Variants in CDH13 observed in about 807,000 individuals in gnomAD.
The protein encoded by CDH13 is cadherin-13.
CDH13 carries 24 observed loss-of-function variants against 63.8 expected under a neutral mutation model. That is an observed-to-expected ratio of 0.38 (90% CI 0.27 to 0.53). The LOEUF is 0.53. CDH13 is among the 20% of genes least tolerant of loss of function. The pLI, the probability that CDH13 is intolerant of heterozygous loss-of-function variation, is 0.85. For synonymous variants in CDH13, 503 were observed against 355.3 expected (o/e 1.42, Z -4.67); for missense variants, 1,049 against 903.1 (o/e 1.16, Z -2.07).
At chr16:82,869,736 A>T (rs1295577692) in intron 2 of CDH13, among the ~76,000 whole-genome samples, 1 of 152,208 alleles carries the variant, frequency 6.6e-6, no homozygotes, top group Non-Finnish European at 1.5e-5. Context: ...GGGAAAGGAC[A>T]GTCTTTTCAA....
In CDH13 at chr16:82,858,479, C is replaced by T. The variant is rs1392182658; in HGVS notation, c.157+6C>T. The T allele has an allele frequency of 3.3e-6, 5 of 1,504,166 alleles. No individual in the cohort carries two copies. The highest frequency in any genetic ancestry group is 4.6e-6 in the Non-Finnish European group (5 of 1,080,086). The allele number at this position is 1,504,166 out of a possible 1,614,324, so 93.2% of individuals were successfully genotyped here. On this transcript the variant is annotated splice_donor_region_variant and intron_variant, in intron 2 of 13. Coordinates refer to ENST00000567109, the MANE Select transcript of CDH13 (RefSeq NM_001257.5). ...GGACCAGTCAATTCTAAACTGTAAG[C>T]AATGTCACTCAAAGATGCTTTTAGA... is the stretch of plus-strand genomic sequence containing the variant.
intron 1 of CDH13, among the ~76,000 whole-genome samples, chr16:82,764,885 G>C (rs1355133479): frequency 6.6e-6 from 1 of 150,574 alleles, no homozygotes; most frequent in Non-Finnish European, 1.5e-5. Context: ...TGTAATCTTG[G>C]CTCACTGAAA....
At chr16:82,966,519 C>A (rs1308630872) in intron 2 of CDH13, among the ~76,000 whole-genome samples, 1 of 152,180 alleles carries the variant, frequency 6.6e-6, no homozygotes, top group East Asian at 1.9e-4. Context: ...TTCATCACTG[C>A]CAGTCAATCT....
Position 83,621,398 on chromosome 16 carries a change from A to G in CDH13, c.1101+18804A>G, listed in dbSNP as rs1909799367. Among the ~76,000 whole-genome samples, 4 of 139,802 alleles carry G rather than the reference A, an allele frequency of 2.9e-5. No homozygotes were observed. The Admixed American group carries it at 3.0e-4, about 10-fold the overall frequency. 91.7% of individuals were successfully genotyped at this position (139,802 alleles called of 152,430 possible). A position where few individuals can be genotyped will look rare whatever the true frequency, so the allele number is the denominator to read the frequency against. ...GGGTTTGCTGAAGCAGCCCAGGTCT[A>G]TTACCACCGTTTTCCACTCTGCTTG... On this transcript the variant is annotated intron_variant, in intron 8 of 13. Coordinates refer to ENST00000567109, the MANE Select transcript of CDH13 (RefSeq NM_001257.5).
intron 6 of CDH13, among the ~76,000 whole-genome samples, chr16:83,471,838 G>A (rs932717216): frequency 1.3e-5 from 2 of 152,132 alleles, no homozygotes; most frequent in African/African-American, 4.8e-5. Flanking sequence ...GAGTCTCATC[G>A]AGCACATGGA....
At chr16:82,782,598 G>A (rs2035813999) in intron 1 of CDH13, among the ~76,000 whole-genome samples, 2 of 151,872 alleles carry the variant, frequency 1.3e-5, no homozygotes, top group Non-Finnish European at 2.9e-5. Context: ...ATGAACAAGT[G>A]CATAATAGGT....
intron 1 of CDH13, among the ~76,000 whole-genome samples, chr16:82,649,609 G>C (rs542522348): frequency 1.3e-5 from 2 of 152,142 alleles, no homozygotes; most frequent in Non-Finnish European, 2.9e-5. Context: ...GCTAGTCAGA[G>C]CATGGCATGT....
At chr16:83,623,515 G>T (rs1439474492) in intron 8 of CDH13, among the ~76,000 whole-genome samples, 2 of 152,166 alleles carry the variant, frequency 1.3e-5, no homozygotes, top group Non-Finnish European at 1.5e-5. Flanking sequence ...TGTGCACAGA[G>T]GGAGCACAAA....
chr16:83,092,945 G>C (rs1384437212), intron 3 of CDH13, among the ~76,000 whole-genome samples: 2 of 152,138 alleles, frequency 1.3e-5, no homozygotes, highest in Non-Finnish European at 2.9e-5. Context: ...GATTTGTGTG[G>C]AATCTAAAAA....
intron 2 of CDH13, among the ~76,000 whole-genome samples, chr16:82,980,306 G>C (rs1159420872): frequency 2.0e-5 from 3 of 152,106 alleles, no homozygotes; most frequent in Non-Finnish European, 4.4e-5. Flanking sequence ...TTTGTCTGTT[G>C]GTCAAAACTA....
intron 3 of CDH13, among the ~76,000 whole-genome samples, chr16:83,053,511 T>C (rs528868384): frequency 7.2e-5 from 11 of 152,230 alleles, no homozygotes; most frequent in East Asian, 3.9e-4. Context: ...GGAGCATAAA[T>C]TGATAAACAC....
chr16:83,435,319 C>G (rs1364005848), intron 6 of CDH13, among the ~76,000 whole-genome samples: 5 of 152,152 alleles, frequency 3.3e-5, no homozygotes, highest in Non-Finnish European at 5.9e-5. Context: ...GCTGGGATTA[C>G]AAGAGTGAGC....
At chr16:83,108,934 T>C (rs768756243) in intron 3 of CDH13, among the ~76,000 whole-genome samples, 2 of 152,132 alleles carry the variant, frequency 1.3e-5, no homozygotes, top group Non-Finnish European at 2.9e-5. Context: ...ATGTACTTGT[T>C]AATGCTTCCC....
At chr16:83,571,782 C>G (rs900787968) in intron 7 of CDH13, among the ~76,000 whole-genome samples, 1 of 152,156 alleles carries the variant, frequency 6.6e-6, no homozygotes, top group Non-Finnish European at 1.5e-5. Context: ...CGCTCATATC[C>G]TGTGGTTTGT....
At position 82,908,941 on chromosome 16, in the gene CDH13, CT is replaced by C. The variant is rs2041736223; in HGVS notation, c.157+50473del. 2.0e-5 allele frequency among the ~76,000 whole-genome samples: 3 copies of C among 152,186 alleles called. No homozygotes were observed. In the South Asian group the frequency reaches 6.2e-4, roughly 32 times the overall value. ...TAAAACCTGCATATAAGGAGGGTCACTTTTTCATACACAAGGGTTCCACGGG... is the reference window on the plus strand; with the variant it reads ...TAAAACCTGCATATAAGGAGGGTCACTTTTCATACACAAGGGTTCCACGGG... On this transcript the variant is annotated intron_variant, in intron 2 of 13. Coordinates refer to ENST00000567109, the MANE Select transcript of CDH13 (RefSeq NM_001257.5).
chr16:83,607,942 C>A lies in CDH13; in HGVS notation c.1101+5348C>A, dbSNP rs1039894889. ...TAAAAAAAAGATTTCTGATTTGTAG[C>A]TAGAACATGGTTGATGCCCAACAAA... is the stretch of plus-strand genomic sequence containing the variant. On this transcript the variant is annotated intron_variant, in intron 8 of 13. Transcript: ENST00000567109. Among the ~76,000 whole-genome samples the A allele has an allele frequency of 2.6e-4, 40 of 152,120 alleles. 1 individual carries two copies. In the South Asian group the frequency reaches 5.2e-3, roughly 20 times the overall value.
intron 9 of CDH13, among the ~76,000 whole-genome samples, chr16:83,673,015 G>A (rs72797210): frequency 0.096 from 14,575 of 152,178 alleles, 896 homozygotes; most frequent in Non-Finnish European, 0.14. Context: ...ATACATTAGT[G>A]CTTTTATGTA....
chr16:83,174,505 C>G (rs969822578), intron 4 of CDH13, among the ~76,000 whole-genome samples: 3 of 152,020 alleles, frequency 2.0e-5, no homozygotes, highest in Non-Finnish European at 4.4e-5. Flanking sequence ...AAAGTTTACA[C>G]TTCATGACCA....
chr16:82,997,981 T>C lies in CDH13; in HGVS notation c.158-34029T>C, dbSNP rs145097258. On this transcript the variant is annotated intron_variant, in intron 2 of 13. Coordinates refer to ENST00000567109, the MANE Select transcript of CDH13 (RefSeq NM_001257.5). ...ATTTAACCTACTTAGAAACTCTGTA[T>C]AGAAGATATCAGTGTTGTATTTCAT... 2.4e-3 allele frequency among the ~76,000 whole-genome samples: 363 copies of C among 152,324 alleles called. 3 individuals are homozygous for C. Among genetic ancestry groups the C allele is most frequent in the African/African-American group, 8.3e-3 (345 of 41,582 alleles).
Sources: gnomAD v4.1 joint callset for allele counts (sites outside exome capture counted in the v4.1 genomes callset) on GRCh38, gnomAD v4.1.1 for gene constraint, MANE v1.5 for transcripts, NCBI Gene and HGNC (gene_info 2026-07-23, HGNC 2026-07-21) for gene names.